Variants in CCDC66 observed in about 807,000 individuals in gnomAD.
CCDC66 encodes the protein coiled-coil domain containing 66, also known as coiled-coil domain-containing protein 66.
Under a neutral mutation model 128.3 loss-of-function variants are expected in CCDC66, and 133 were observed. The observed-to-expected ratio is 1.04, with a 90% CI of 0.90 to 1.20. CCDC66 has a LOEUF of 1.20. Ranked by LOEUF, CCDC66 falls within the 50% of genes most tolerant of loss-of-function variation. The pLI is 0.00. For missense variants in CCDC66, 1,126 were observed against 1,075.5 expected (o/e 1.05, Z -0.66); for synonymous variants, 387 against 357.0 (o/e 1.08, Z -0.95).
At chr3:56,615,762 A>T in intron 12 of CCDC66, 160 bp from the exon 13 acceptor site, 1 of 491,728 alleles carries the variant, frequency 2.0e-6, no homozygotes, top group Non-Finnish European at 3.4e-6. Context: ...GATCTCCCTA[A>T]ATTCAGTAAC....
chr3:56,562,807 T>A (rs899525042), intron 3 of CCDC66, among the ~76,000 whole-genome samples: 26 of 150,058 alleles, frequency 1.7e-4, no homozygotes, highest in Non-Finnish European at 3.3e-4. Flanking sequence ...CCCAGCTAAT[T>A]TTTTGTATTT....
chr3:56,583,142 T>C (rs6764730), intron 7 of CCDC66, among the ~76,000 whole-genome samples: 126,435 of 151,442 alleles, frequency 0.83, 53,538 homozygotes, highest in Non-Finnish European at 0.91. Flanking sequence ...GCTGGGATTA[T>C]AGGCTTGAGC....
At chr3:56,605,867 C>G (rs1252511002) in intron 10 of CCDC66, among the ~76,000 whole-genome samples, 3 of 152,016 alleles carry the variant, frequency 2.0e-5, no homozygotes, top group Admixed American at 1.3e-4. Flanking sequence ...GAAGCTGCAC[C>G]CACAGCCACC....
intron 15 of CCDC66, chr3:56,618,423 T>C: frequency 4.2e-6 from 2 of 481,078 alleles, no homozygotes; most frequent in Admixed American, 7.3e-5. Flanking sequence ...GGCAGGAATG[T>C]AGATAACATT....
chr3:56,583,693 ACTT>A (rs1192951479), intron 7 of CCDC66, among the ~76,000 whole-genome samples: 1 of 149,918 alleles, frequency 6.7e-6, no homozygotes, highest in African/African-American at 2.5e-5. Context: ...TCCTATGTCT[ACTT>A]CTTTCTACAC....
chr3:56,617,819 G>A, intron 14 of CCDC66: 1 of 599,196 alleles, frequency 1.7e-6, no homozygotes, highest in Non-Finnish European at 2.9e-6. Flanking sequence ...GTCTGTGGCT[G>A]ACTTCACACA....
At chr3:56,565,565 A>T (rs1025743918) in intron 4 of CCDC66, among the ~76,000 whole-genome samples, 1 of 151,102 alleles carries the variant, frequency 6.6e-6, no homozygotes, top group East Asian at 1.9e-4. Flanking sequence ...TGCTGGGATT[A>T]CAGGCATGAG....
At position 56,571,212 on chromosome 3, in the gene CCDC66, A is replaced by G. The variant is rs771266730; in HGVS notation, c.846A>G (p.Lys282=). 6.5e-7 allele frequency: 1 copy of G among 1,531,296 alleles called. No individual in the cohort carries two copies. Among genetic ancestry groups the G allele is most frequent in the Non-Finnish European group, 8.9e-7 (1 of 1,122,720 alleles). 94.9% of individuals were successfully genotyped at this position (1,531,296 alleles called of 1,614,324 possible). The part of the protein sequence containing the change: ...DEQVALKKKE[K]EVSEKWNDPW... ...AGGTTGCTTTAAAGAAGAAAGAAAA[A>G]GAAGTTTCTGAAAAATGGAATGATC... The change falls in exon 7 of 18, where the codon AAA becomes AAG. Residue 282 remains lysine (K), a synonymous_variant. Transcript: ENST00000394672.
intron 4 of CCDC66, among the ~76,000 whole-genome samples, chr3:56,566,264 A>G (rs1263498163): frequency 7.9e-5 from 12 of 152,134 alleles, no homozygotes; most frequent in Non-Finnish European, 2.9e-5. Flanking sequence ...AGCTAGGACT[A>G]CAGGCACGTG....
chr3:56,593,149 T>G (rs755193199), intron 8 of CCDC66, 48 bp downstream of exon 8: 1 of 1,410,012 alleles, frequency 7.1e-7, no homozygotes, highest in South Asian at 1.3e-5. Flanking sequence ...AAAATCAAAG[T>G]CTTTAATCAA....
At chr3:56,596,971 GCTGGT>G (rs2072092867) in intron 10 of CCDC66, among the ~76,000 whole-genome samples, 1 of 149,748 alleles carries the variant, frequency 6.7e-6, no homozygotes, top group African/African-American at 2.5e-5. Context: ...TGTTGGCCAG[GCTGGT>G]CTTGAACTCC....
rs369877760 is a variant in CCDC66, at chr3:56,612,778, G to A, written c.1405-811G>A. 2.7e-4 allele frequency among the ~76,000 whole-genome samples: 41 copies of A among 152,322 alleles called. 1 individual carries two copies. In the South Asian group the frequency reaches 8.1e-3, roughly 30 times the overall value. ...TAGGAGGAGTGCTCAGGTGCCAATG[G>A]TGGTGTCCTGGGCAGGGCAGTCCCC... On this transcript the variant is annotated intron_variant, in intron 10 of 17. Transcript: ENST00000394672.
At chr3:56,564,709 A>C (rs534064000) in intron 4 of CCDC66, among the ~76,000 whole-genome samples, 2 of 152,316 alleles carry the variant, frequency 1.3e-5, no homozygotes, top group African/African-American at 4.8e-5. Flanking sequence ...TCTAATTTCC[A>C]CTTTGGGATA....
intron 1 of CCDC66, chr3:56,558,042 A>G (rs1226290570): frequency 6.6e-6 from 1 of 152,274 alleles, no homozygotes; most frequent in Non-Finnish European, 1.5e-5. Context: ...CAATAAGGAA[A>G]GCCGTAAAAC....
intron 3 of CCDC66, among the ~76,000 whole-genome samples, chr3:56,560,282 G>C (rs1375141270): frequency 6.6e-6 from 1 of 152,186 alleles, no homozygotes; most frequent in Admixed American, 6.5e-5. Context: ...ACCCAGGTTG[G>C]AGTGTAGTGG....
chr3:56,613,699 A>C lies in CCDC66; in HGVS notation c.1515A>C (p.Glu505Asp), dbSNP rs778956844. Residue 505 changes from glutamate to aspartate, a missense_variant, in exon 11 of 18, where the codon GAA (glutamate) becomes GAC (aspartate). Transcript: ENST00000394672. ...EEELRLAQEREEMQKQYEEDI... is the reference protein window; with the variant it reads ...EEELRLAQERDEMQKQYEEDI... ...AGCTTCGCTTAGCACAGGAACGTGA[A>C]GAGATGCAGAAACAGTATGAAGAAG... 1.9e-6 allele frequency: 3 copies of C among 1,614,074 alleles called. No homozygotes were observed. In the South Asian group the frequency reaches 3.3e-5, roughly 18 times the overall value.
Position 56,602,834 on chromosome 3 carries a change from A to AT in CCDC66, c.1404+8824dup, listed in dbSNP as rs34509264. 1.4e-3 allele frequency among the ~76,000 whole-genome samples: 136 copies of AT among 98,446 alleles called. 1 individual carries two copies. Among genetic ancestry groups the AT allele is most frequent in the African/African-American group, 4.5e-3 (126 of 28,038 alleles). 64.6% of individuals were successfully genotyped at this position (98,446 alleles called of 152,430 possible). The stretch of plus-strand genomic sequence containing the variant: ...GAACAGCGGTGATATCCCCTTTATC[A>AT]TTTTTTTTTTTTTTTTTTGAGACAG... On this transcript the variant is annotated intron_variant, in intron 10 of 17. Coordinates refer to ENST00000394672, the MANE Select transcript of CCDC66 (RefSeq NM_001141947.3).
intron 3 of CCDC66, among the ~76,000 whole-genome samples, chr3:56,562,049 T>C (rs533705361): frequency 6.6e-6 from 1 of 152,174 alleles, no homozygotes; most frequent in Admixed American, 6.5e-5. Flanking sequence ...TTCTTTTTTT[T>C]TTTCTTTTTT....
intron 6 of CCDC66, 51 bp downstream of exon 6, chr3:56,567,104 TATTGAA>T: frequency 6.9e-7 from 1 of 1,439,430 alleles, no homozygotes; most frequent in Non-Finnish European, 9.8e-7. Flanking sequence ...AAAGAATATG[TATTGAA>T]GCCGGGCACG....
Sources: gnomAD v4.1 joint callset for allele counts (sites outside exome capture counted in the v4.1 genomes callset) on GRCh38, gnomAD v4.1.1 for gene constraint, MANE v1.5 for transcripts, NCBI Gene and HGNC (gene_info 2026-07-23, HGNC 2026-07-21) for gene names.